The following TSPAN18 variants were observed in gnomAD, a reference collection of about 807,000 sequenced individuals.
TSPAN18 encodes tetraspanin-18.
A neutral mutation model predicts 27.3 loss-of-function variants in TSPAN18; 14 were observed. The ratio of observed to expected loss-of-function variants is 0.51; its 90% CI spans 0.34 to 0.80. The LOEUF is 0.80. Among genes scored for constraint, TSPAN18 ranks in the 30% least tolerant of loss-of-function variants. The pLI is 0.01. For synonymous variants in TSPAN18, 143 were observed against 136.5 expected, an observed-to-expected ratio of 1.05 and a Z score of -0.33; for missense variants, 268 against 323.9, an observed-to-expected ratio of 0.83 and a Z score of 1.32.
rs372568948 is a variant in TSPAN18, at chr11:44,848,804, ACAG to A, written c.-152-11520_-152-11518del. Among the ~76,000 whole-genome samples the A allele has an allele frequency of 2.6e-5, 4 of 152,316 alleles. No homozygotes were observed. In the East Asian group the frequency reaches 7.7e-4, roughly 29 times the overall value. ...GAGTGGCACAAGGTGACAAAGGAAG[ACAG>A]CAGTGAGCTTTGCCTAGGGGAGGTC... On this transcript the variant is annotated intron_variant, in intron 2 of 9. Transcript: ENST00000520358.
rs138422364 is a variant in TSPAN18 at position 44,743,383 on chromosome 11, A to AG, written c.-240+16097dup. On this transcript the variant is annotated intron_variant, in intron 1 of 9. Coordinates refer to ENST00000520358, the MANE Select transcript of TSPAN18 (RefSeq NM_130783.5). ...GAAAGAGCCGTGGGGTGCAGTGGTT[A>AG]GAGCCGAGGCCTAGGCTTAGGACAT... Among the ~76,000 whole-genome samples, 592 of 152,290 alleles carry AG rather than the reference A, an allele frequency of 3.9e-3. 2 individuals are homozygous for AG. The highest frequency in any genetic ancestry group is 0.013 in the African/African-American group (554 of 41,554).
intron 2 of TSPAN18, among the ~76,000 whole-genome samples, chr11:44,800,960 T>C (rs1856467200): frequency 6.6e-6 from 1 of 152,192 alleles, no homozygotes; most frequent in South Asian, 2.1e-4. Flanking sequence ...AGCCCAGAGC[T>C]GCACAGTCTG....
chr11:44,897,657 T>C (rs1390412646), intron 3 of TSPAN18: 9 of 719,282 alleles, frequency 1.3e-5, no homozygotes, highest in African/African-American at 1.1e-4. Flanking sequence ...CGAGTGTGTG[T>C]ATCTGGAGGG....
At chr11:44,897,791 G>A (rs1859116439) in intron 3 of TSPAN18, 6 of 1,289,320 alleles carry the variant, frequency 4.7e-6, no homozygotes, top group Non-Finnish European at 6.1e-6. Flanking sequence ...CTCGCTGACG[G>A]GAGAGTCTGT....
chr11:44,836,334 G>GT (rs1857263698), intron 2 of TSPAN18, among the ~76,000 whole-genome samples: 1 of 152,184 alleles, frequency 6.6e-6, no homozygotes, highest in Non-Finnish European at 1.5e-5. Flanking sequence ...CAAAATTCTC[G>GT]TAAGCCAAAG....
At chr11:44,895,270 G>A (rs1859001278) in intron 3 of TSPAN18, among the ~76,000 whole-genome samples, 1 of 152,198 alleles carries the variant, frequency 6.6e-6, no homozygotes. Flanking sequence ...TGGTGAATGT[G>A]GGCTGGGCAT....
At chr11:44,832,916 C>T (rs1159489742) in intron 2 of TSPAN18, among the ~76,000 whole-genome samples, 2 of 152,100 alleles carry the variant, frequency 1.3e-5, no homozygotes, top group Non-Finnish European at 1.5e-5. Flanking sequence ...ACTTTACTTG[C>T]CAACAATGCT....
At chr11:44,811,159 CA>C (rs1856706078) in intron 2 of TSPAN18, among the ~76,000 whole-genome samples, 1 of 150,536 alleles carries the variant, frequency 6.6e-6, no homozygotes, top group African/African-American at 2.4e-5. Context: ...CACACACACA[CA>C]CACACACACA....
chr11:44,890,283 T>C (rs1858800577), intron 3 of TSPAN18, among the ~76,000 whole-genome samples: 1 of 152,234 alleles, frequency 6.6e-6, no homozygotes, highest in African/African-American at 2.4e-5. Context: ...TTGAGAAACA[T>C]ATTATAACTT....
intron 6 of TSPAN18, among the ~76,000 whole-genome samples, chr11:44,919,003 T>C (rs1318745033): frequency 6.6e-6 from 1 of 150,742 alleles, no homozygotes; most frequent in Non-Finnish European, 1.5e-5. Context: ...TCCACCGAGA[T>C]GTGCATGTGT....
chr11:44,741,924 A>C, intron 1 of TSPAN18, among the ~76,000 whole-genome samples: 5 of 143,846 alleles, frequency 3.5e-5, no homozygotes, highest in South Asian at 2.2e-4. Context: ...CTCTCTCCCC[A>C]CTCCCTTCCC....
chr11:44,783,009 A>T (rs984050329), intron 2 of TSPAN18, among the ~76,000 whole-genome samples: 1 of 151,988 alleles, frequency 6.6e-6, no homozygotes, highest in Non-Finnish European at 1.5e-5. Flanking sequence ...TTGTATTTTT[A>T]GTAGAGATGG....
chr11:44,744,492 TG>T (rs904356796), intron 1 of TSPAN18, among the ~76,000 whole-genome samples: 13 of 151,936 alleles, frequency 8.6e-5, no homozygotes, highest in Admixed American at 3.9e-4. Flanking sequence ...GGCTTAGAAA[TG>T]GGGGGGTAGC....
intron 2 of TSPAN18, among the ~76,000 whole-genome samples, chr11:44,797,857 T>C (rs765881724): frequency 4.1e-4 from 63 of 152,196 alleles, no homozygotes; most frequent in Middle Eastern, 3.2e-3. Flanking sequence ...AGAGCACTAA[T>C]GCTTGGCCCT....
At chr11:44,819,373 G>A (rs1419440705) in intron 2 of TSPAN18, among the ~76,000 whole-genome samples, 2 of 152,218 alleles carry the variant, frequency 1.3e-5, no homozygotes, top group Non-Finnish European at 2.9e-5. Context: ...CTGCATTTCA[G>A]GCTAATCGCA....
chr11:44,874,045 G>T (rs1456944336), intron 3 of TSPAN18, among the ~76,000 whole-genome samples: 1 of 152,184 alleles, frequency 6.6e-6, no homozygotes, highest in Non-Finnish European at 1.5e-5. Flanking sequence ...CTGTTTCTTA[G>T]GGGGCTTCAG....
intron 1 of TSPAN18, among the ~76,000 whole-genome samples, chr11:44,732,363 AG>A (rs1432566829): frequency 1.3e-5 from 2 of 152,218 alleles, no homozygotes; most frequent in African/African-American, 4.8e-5. Flanking sequence ...CCCATTCTGT[AG>A]ATTAGAGAGT....
intron 5 of TSPAN18, among the ~76,000 whole-genome samples, chr11:44,911,046 G>A (rs1486529073): frequency 2.6e-5 from 4 of 152,194 alleles, no homozygotes; most frequent in African/African-American, 9.6e-5. Flanking sequence ...TGGGGCCTCC[G>A]CCTGCTTTCC....
chr11:44,751,743 G>A lies in TSPAN18; in HGVS notation c.-239-12683G>A, dbSNP rs1281566598. Among the ~76,000 whole-genome samples the A allele has an allele frequency of 3.3e-5, 5 of 151,902 alleles. 1 individual carries two copies. The highest frequency in any genetic ancestry group is 4.2e-4 in the South Asian group (2 of 4,804). ...GGAGTTCAAGACCAGCCTGGCCAAC[G>A]TGGTAAAGCCCCATCTCTACTAAAA... On this transcript the variant is annotated intron_variant, in intron 1 of 9. Transcript: ENST00000520358.
Sources: gnomAD v4.1 joint callset for allele counts (sites outside exome capture counted in the v4.1 genomes callset) on GRCh38, gnomAD v4.1.1 for gene constraint, MANE v1.5 for transcripts, NCBI Gene and HGNC (gene_info 2026-07-23, HGNC 2026-07-21) for gene names.